Variants in MAP2K6 observed in about 807,000 individuals in gnomAD.
MAP2K6 encodes the protein dual specificity mitogen-activated protein kinase kinase 6.
A neutral mutation model predicts 53.7 loss-of-function variants in MAP2K6; 16 were observed. The observed-to-expected ratio is 0.30, with a 90% CI of 0.20 to 0.45. The LOEUF is 0.45. MAP2K6 is among the 20% of genes least tolerant of loss of function. MAP2K6 has a pLI of 1.00. For missense variants in MAP2K6, 204 were observed against 411.9 expected (o/e 0.50, Z 4.37); for synonymous variants, 132 against 143.1 (o/e 0.92, Z 0.55).
chr17:69,542,459 C>G lies in MAP2K6; in HGVS notation c.*706C>G, dbSNP rs1446370733. ...GATGCTCTGGTCATACTCTTTTTCCCAACTTTGGAAAACATAAAAATCACT... is the reference window on the plus strand; with the variant it reads ...GATGCTCTGGTCATACTCTTTTTCCGAACTTTGGAAAACATAAAAATCACT... On this transcript the variant is annotated 3_prime_UTR_variant, in exon 12 of 12. Coordinates refer to ENST00000590474, the MANE Select transcript of MAP2K6 (RefSeq NM_002758.4). The G allele has an allele frequency of 6.6e-6, 1 of 152,514 alleles. No individual in the cohort carries two copies. Among genetic ancestry groups the G allele is most frequent in the South Asian group, 2.1e-4 (1 of 4,834 alleles). 9.4% of individuals were successfully genotyped at this position (152,514 alleles called of 1,614,324 possible).
chr17:69,500,454 A>C (rs1909114490), intron 1 of MAP2K6, among the ~76,000 whole-genome samples: 1 of 54,864 alleles, frequency 1.8e-5, no homozygotes, highest in Non-Finnish European at 4.4e-5. Context: ...TCTCAAAAAA[A>C]AAAAAAAAAA....
In MAP2K6 at chr17:69,508,041, G is replaced by GTTTTTTTTTT. The variant is rs71144698; in HGVS notation, c.83+2213_83+2222dup. Among the ~76,000 whole-genome samples, 46 of 44,900 alleles carry GTTTTTTTTTT rather than the reference G, an allele frequency of 1.0e-3. 19 individuals are homozygous for GTTTTTTTTTT. The highest frequency in any genetic ancestry group is 1.4e-3 in the Non-Finnish European group (36 of 26,336). 29.5% of individuals were successfully genotyped at this position (44,900 alleles called of 152,430 possible). A position where few individuals can be genotyped will look rare whatever the true frequency, so the allele number is the denominator to read the frequency against. On this transcript the variant is annotated intron_variant, in intron 2 of 11. Coordinates refer to ENST00000590474, the MANE Select transcript of MAP2K6 (RefSeq NM_002758.4). ...TCTGATGTGTAGTGATATATATGTA[G>GTTTTTTTTTT]TTTTTTTTTTTTTTTTTTTTTTTTT...
chr17:69,480,957 T>C (rs1391190441), intron 1 of MAP2K6, among the ~76,000 whole-genome samples: 1 of 152,130 alleles, frequency 6.6e-6, no homozygotes, highest in East Asian at 1.9e-4. Flanking sequence ...AGAATAATAG[T>C]TCATTTGTGC....
chr17:69,485,374 A>T, intron 1 of MAP2K6: 1 of 517,750 alleles, frequency 1.9e-6, no homozygotes, highest in Non-Finnish European at 2.5e-6. Context: ...AGGAAGTTTT[A>T]GATCATGCCT....
At chr17:69,483,680 A>G (rs558228052) in intron 1 of MAP2K6, among the ~76,000 whole-genome samples, 2 of 152,246 alleles carry the variant, frequency 1.3e-5, no homozygotes, top group South Asian at 4.1e-4. Flanking sequence ...GAGGAATCAC[A>G]CTTCCTGATT....
intron 1 of MAP2K6, among the ~76,000 whole-genome samples, chr17:69,501,280 C>T (rs775144108): frequency 6.6e-6 from 1 of 152,196 alleles, no homozygotes; most frequent in African/African-American, 2.4e-5. Context: ...CATATCTTCA[C>T]GATGCCACCT....
intron 1 of MAP2K6, among the ~76,000 whole-genome samples, chr17:69,415,213 T>G (rs1429229976): frequency 6.6e-6 from 1 of 151,918 alleles, no homozygotes; most frequent in Non-Finnish European, 1.5e-5. Flanking sequence ...TGACGTTATT[T>G]GCATTCTTCT....
At chr17:69,463,735 GA>G (rs1383200050) in intron 1 of MAP2K6, among the ~76,000 whole-genome samples, 1 of 151,534 alleles carries the variant, frequency 6.6e-6, no homozygotes, top group Non-Finnish European at 1.5e-5. Flanking sequence ...AATCTACTTA[GA>G]AAGAATTTTA....
intron 1 of MAP2K6, among the ~76,000 whole-genome samples, chr17:69,492,665 G>C (rs1439355765): frequency 6.6e-6 from 1 of 152,138 alleles, no homozygotes; most frequent in African/African-American, 2.4e-5. Flanking sequence ...CAAAGTCTCT[G>C]ACTCAGCCTT....
intron 11 of MAP2K6, among the ~76,000 whole-genome samples, chr17:69,537,997 TA>T (rs2144866198): frequency 6.6e-6 from 1 of 152,290 alleles, no homozygotes; most frequent in East Asian, 1.9e-4. Flanking sequence ...TGTAGGATAC[TA>T]TGGAGCCTGT....
chr17:69,498,963 A>G (rs2715821), intron 1 of MAP2K6, among the ~76,000 whole-genome samples: 3 of 151,900 alleles, frequency 2.0e-5, no homozygotes, highest in East Asian at 1.9e-4. Flanking sequence ...TTTGGAGCCA[A>G]TCTGGTGGAG....
At chr17:69,520,200 T>G (rs1050545746) in intron 5 of MAP2K6, 70 bp from the exon 6 acceptor site, 8 of 441,558 alleles carry the variant, frequency 1.8e-5, no homozygotes, top group Admixed American at 8.7e-5. Context: ...GGGTTTACTG[T>G]TTTTTTTTTT....
intron 1 of MAP2K6, among the ~76,000 whole-genome samples, chr17:69,459,070 T>C (rs977133103): frequency 3.3e-5 from 5 of 152,214 alleles, no homozygotes; most frequent in African/African-American, 1.2e-4. Context: ...GATCTTACTG[T>C]GTCTTTACTT....
chr17:69,417,870 A>G (rs1482734383), intron 1 of MAP2K6, among the ~76,000 whole-genome samples: 1 of 152,224 alleles, frequency 6.6e-6, no homozygotes, highest in Non-Finnish European at 1.5e-5. Flanking sequence ...CCCTGTTAAA[A>G]TACACTTTTC....
chr17:69,421,544 G>GT (rs1230000400), intron 1 of MAP2K6, among the ~76,000 whole-genome samples: 4,221 of 141,334 alleles, frequency 0.03, 164 homozygotes, highest in African/African-American at 0.087. Context: ...GTTGTTTTTT[G>GT]TTTTTTTTTT....
Position 69,548,538 on chromosome 17 carries a change from T to A in MAP2K6, c.*6785T>A, listed in dbSNP as rs895811160. ...GCTGCACCATTAGGCAAACATACAT[T>A]ATGCTTAGAATGATACTTGGAAACT... On this transcript the variant is annotated 3_prime_UTR_variant, in exon 12 of 12. Transcript: ENST00000590474. 6.6e-6 allele frequency: 1 copy of A among 152,174 alleles called. No homozygotes were observed. The highest frequency in any genetic ancestry group is 1.5e-5 in the Non-Finnish European group (1 of 68,024). The allele number at this position is 152,174 out of a possible 1,614,324, so 9.4% of individuals were successfully genotyped here.
intron 1 of MAP2K6, among the ~76,000 whole-genome samples, chr17:69,427,505 AT>A (rs1400637144): frequency 6.6e-6 from 1 of 152,178 alleles, no homozygotes; most frequent in Non-Finnish European, 1.5e-5. Context: ...TTCTTTTATT[AT>A]TTTGGTTTCA....
At chr17:69,447,471 G>C (rs1288787665) in intron 1 of MAP2K6, among the ~76,000 whole-genome samples, 2 of 151,580 alleles carry the variant, frequency 1.3e-5, no homozygotes, top group South Asian at 2.1e-4. Flanking sequence ...TCAGCCTCCC[G>C]AGTAGCTGGA....
At chr17:69,540,873 A>G (rs1346205344) in intron 11 of MAP2K6, among the ~76,000 whole-genome samples, 1 of 152,194 alleles carries the variant, frequency 6.6e-6, no homozygotes, top group African/African-American at 2.4e-5. Context: ...GTCTAAACCA[A>G]TTCTCCAACG....
Sources: allele counts gnomAD v4.1 joint callset (sites outside exome capture counted in the v4.1 genomes callset), GRCh38; gene constraint gnomAD v4.1.1; transcripts MANE v1.5; gene names NCBI Gene and HGNC (gene_info 2026-07-23, HGNC 2026-07-21).